FLT1: variants seen among roughly 807,000 people sequenced by gnomAD.
FLT1 encodes the protein vascular endothelial growth factor receptor 1.
Under a neutral mutation model 156.3 loss-of-function variants are expected in FLT1, and 49 were observed. That is an observed-to-expected ratio of 0.31 (90% confidence interval 0.25 to 0.40). The LOEUF is 0.40. Among genes scored for constraint, FLT1 ranks in the 10% least tolerant of loss-of-function variants. The pLI is 1.00. For synonymous variants in FLT1, 594 were observed against 583.8 expected (o/e 1.02, Z -0.25); for missense variants, 1,322 against 1,637.2 (o/e 0.81, Z 3.32).
intron 4 of FLT1, among the ~76,000 whole-genome samples, chr13:28,437,166 G>A (rs551926723): frequency 1.1e-4 from 17 of 152,302 alleles, no homozygotes; most frequent in African/African-American, 4.1e-4. Context: ...GGCGTTTCCA[G>A]CTCTGCTGTA....
At chr13:28,318,617 A>G (rs1268166065) in intron 24 of FLT1, among the ~76,000 whole-genome samples, 1 of 152,232 alleles carries the variant, frequency 6.6e-6, no homozygotes, top group Non-Finnish European at 1.5e-5. Flanking sequence ...GCTGCTTTCA[A>G]AGACTGGAAG....
At chr13:28,435,502 GA>G (rs931787787) in intron 4 of FLT1, among the ~76,000 whole-genome samples, 6 of 152,170 alleles carry the variant, frequency 3.9e-5, no homozygotes, top group East Asian at 3.9e-4. Flanking sequence ...GAAAAAGGGG[GA>G]AAAAAATCAA....
intron 29 of FLT1, among the ~76,000 whole-genome samples, chr13:28,306,423 C>T (rs937794416): frequency 6.6e-6 from 1 of 152,226 alleles, no homozygotes; most frequent in Non-Finnish European, 1.5e-5. Context: ...ACCTGAGGCA[C>T]TGTGCTGGCC....
intron 4 of FLT1, among the ~76,000 whole-genome samples, chr13:28,437,054 G>A (rs910036337): frequency 2.1e-4 from 32 of 152,190 alleles, no homozygotes; most frequent in African/African-American, 7.5e-4. Flanking sequence ...TGAATGAGAA[G>A]GCAAGGTATT....
intron 16 of FLT1, among the ~76,000 whole-genome samples, chr13:28,345,104 C>T (rs1174979718): frequency 6.6e-6 from 1 of 152,010 alleles, no homozygotes; most frequent in Non-Finnish European, 1.5e-5. Context: ...TGCCCAGTCT[C>T]CTTTTTATTT....
chr13:28,412,351 T>TTTC (rs1566012936), intron 10 of FLT1, among the ~76,000 whole-genome samples: 1 of 2,018 alleles, frequency 5.0e-4, no homozygotes, highest in South Asian at 0.1. Flanking sequence ...TCTTTCTTTC[T>TTTC]CTTTCTTTCT....
At chr13:28,363,376 G>C (rs1162604017) in intron 14 of FLT1, among the ~76,000 whole-genome samples, 1 of 152,138 alleles carries the variant, frequency 6.6e-6, no homozygotes, top group Non-Finnish European at 1.5e-5. Flanking sequence ...GAGATTTATA[G>C]ATACTTTATC....
Position 28,465,632 on chromosome 13 carries a change from C to G in FLT1, c.388+1271G>C, listed in dbSNP as rs563685989. On this transcript the variant is annotated intron_variant, in intron 3 of 29. Coordinates refer to ENST00000282397, the MANE Select transcript of FLT1 (RefSeq NM_002019.4). Reference sequence around the variant, plus strand: ...CCGAGGCAGGTGGATCACCTGAGGTCAGGAGTTCGAGACCAGCCTGACCAA... The same window carrying G: ...CCGAGGCAGGTGGATCACCTGAGGTGAGGAGTTCGAGACCAGCCTGACCAA... Among the ~76,000 whole-genome samples the G allele has an allele frequency of 6.6e-5, 10 of 152,282 alleles. No homozygotes were observed. The East Asian group carries it at 1.9e-3, about 29-fold the overall frequency.
intron 10 of FLT1, among the ~76,000 whole-genome samples, chr13:28,422,906 GA>G (rs1462503689): frequency 6.6e-6 from 1 of 152,132 alleles, no homozygotes; most frequent in Non-Finnish European, 1.5e-5. Flanking sequence ...CCATTCCACA[GA>G]GAAGGTCCCC....
chr13:28,451,115 T>C (rs1255698399), intron 3 of FLT1, among the ~76,000 whole-genome samples: 1 of 152,154 alleles, frequency 6.6e-6, no homozygotes, highest in East Asian at 1.9e-4. Flanking sequence ...TAGGAGATGG[T>C]GAGGACAACC....
intron 25 of FLT1, among the ~76,000 whole-genome samples, chr13:28,313,001 C>T (rs1290824760): frequency 2.0e-5 from 3 of 150,810 alleles, no homozygotes; most frequent in Admixed American, 2.0e-4. Flanking sequence ...TATTTTGATG[C>T]AGAGTCTCAC....
intron 3 of FLT1, among the ~76,000 whole-genome samples, chr13:28,447,735 AT>A (rs1253008711): frequency 3.3e-5 from 5 of 151,880 alleles, no homozygotes; most frequent in Non-Finnish European, 7.4e-5. Flanking sequence ...TATAAAATAT[AT>A]TTTTATATGC....
Position 28,494,786 on chromosome 13 carries a change from G to A in FLT1, c.58C>T (p.Leu20Phe), listed in dbSNP as rs1304722504. ...GCCCCCAGCCGCGCCTCACCTGTGA[G>A]AAGCAGACAGCTGAGCAGCGCGCAC... ...LLCALLSCLL[L>F]TGSSSGSKLK... Residue 20 changes from leucine (L) to phenylalanine (F), a missense_variant, in exon 1 of 30, where the codon CTC becomes TTC. Around this residue, in one of 3 missense-constraint regions of FLT1, gnomAD observed 991 missense variants for 1,254.8 expected, o/e 0.79. Coordinates refer to ENST00000282397, the MANE Select transcript of FLT1 (RefSeq NM_002019.4). 3 of 1,570,736 alleles carry A rather than the reference G, an allele frequency of 1.9e-6. No homozygotes were observed. The African/African-American group carries it at 4.1e-5, about 21-fold the overall frequency.
rs1363301507 is a variant in FLT1, at chr13:28,357,581, C to G, written c.2221G>C (p.Glu741Gln). 6.2e-7 allele frequency: 1 copy of G among 1,614,124 alleles called. No individual in the cohort carries two copies. Among genetic ancestry groups the G allele is most frequent in the Admixed American group, 1.7e-5 (1 of 60,020 alleles). Residue 741 changes from glutamate to glutamine, a missense_variant, in exon 15 of 30, where the codon GAA (glutamate) becomes CAA (glutamine). Around this residue, in one of 3 missense-constraint regions of FLT1, gnomAD observed 991 missense variants for 1,254.8 expected, o/e 0.79. Transcript: ENST00000282397. ...CKATNQKGSV[E>Q]SSAYLTVQGT... ...TGAACAGTGAGGTATGCTGAACTTT[C>G]CACAGAGCCCTTCTGGTTGGTGGCT...
chr13:28,322,388 G>T lies in FLT1; in HGVS notation c.2954-29C>A. 7.2e-7 allele frequency: 1 copy of T among 1,395,794 alleles called. No individual in the cohort carries two copies. Among genetic ancestry groups the T allele is most frequent in the Non-Finnish European group, 1.0e-6 (1 of 981,100 alleles). The allele number at this position is 1,395,794 out of a possible 1,614,324, so 86.5% of individuals were successfully genotyped here. A position where few individuals can be genotyped will look rare whatever the true frequency, so the allele number is the denominator to read the frequency against. ...GAAAGCATTAGAACCGTAACTGTTT[G>T]TAATGGCTCTTGTTATCCCACCAAA... On this transcript the variant is annotated intron_variant, in intron 21 of 29. Coordinates refer to ENST00000282397, the MANE Select transcript of FLT1 (RefSeq NM_002019.4). This position sits in a 1 kb window ranked among gnomAD's most constrained non-coding sequence, Gnocchi z 4.3.
chr13:28,385,127 A>C, intron 13 of FLT1, 96 bp from the exon 14 acceptor site: 1 of 1,266,314 alleles, frequency 7.9e-7, no homozygotes, highest in East Asian at 2.3e-5. Context: ...GAAACAGCAA[A>C]ACTCAACTAT....
At chr13:28,466,675 C>A (rs1879862334) in intron 3 of FLT1, 2 of 618,412 alleles carry the variant, frequency 3.2e-6, no homozygotes, top group Non-Finnish European at 5.8e-6. Flanking sequence ...CAGAGGTGAC[C>A]TATACAGACC....
rs140161114 is a variant in FLT1 at position 28,465,461 on chromosome 13, C to T, written c.388+1442G>A. Reference sequence around the variant, plus strand: ...CTGTCAATAACAGGCAACTGTTCTGCTGTCTCCTAAGACTAATCCTGAATT... The same window carrying T: ...CTGTCAATAACAGGCAACTGTTCTGTTGTCTCCTAAGACTAATCCTGAATT... On this transcript the variant is annotated intron_variant, in intron 3 of 29. Coordinates refer to ENST00000282397, the MANE Select transcript of FLT1 (RefSeq NM_002019.4). Among the ~76,000 whole-genome samples, 1,206 of 152,314 alleles carry T rather than the reference C, an allele frequency of 7.9e-3. 13 individuals are homozygous for T. Among genetic ancestry groups the T allele is most frequent in the African/African-American group, 0.028 (1,153 of 41,574 alleles).
intron 11 of FLT1, among the ~76,000 whole-genome samples, chr13:28,398,150 C>T (rs1016123542): frequency 6.6e-6 from 1 of 152,170 alleles, no homozygotes; most frequent in African/African-American, 2.4e-5. Context: ...GCTAGTTTCT[C>T]ATACTTAAAA....
Sources: allele counts gnomAD v4.1 joint callset (sites outside exome capture counted in the v4.1 genomes callset), GRCh38; gene constraint gnomAD v4.1.1; regional missense constraint gnomAD v4.1.1; non-coding constraint Gnocchi (gnomAD v3.1); transcripts MANE v1.5; gene names NCBI Gene and HGNC (gene_info 2026-07-23, HGNC 2026-07-21).